RSU1: variants seen among roughly 807,000 people sequenced by gnomAD.
RSU1 encodes Ras suppressor protein 1.
In RSU1, 26 loss-of-function variants were observed where a neutral mutation model predicts 31.1. The ratio of observed to expected loss-of-function variants is 0.84; its 90% CI spans 0.61 to 1.16. The LOEUF (loss-of-function observed/expected upper bound fraction) is 1.16. Among genes scored for constraint, RSU1 ranks in the 50% most tolerant of loss-of-function variants. RSU1 has a pLI of 0.00. For missense variants in RSU1, 320 were observed against 339.1 expected, an observed-to-expected ratio of 0.94 and a Z score of 0.44; for synonymous variants, 164 against 136.3, an observed-to-expected ratio of 1.20 and a Z score of -1.41.
At chr10:16,709,297 C>T (rs1360741539) in intron 7 of RSU1, among the ~76,000 whole-genome samples, 3 of 152,128 alleles carry the variant, frequency 2.0e-5, no homozygotes, top group Non-Finnish European at 4.4e-5. Flanking sequence ...TTTCCAATTT[C>T]ATCCATGTAC....
chr10:16,731,383 T>C (rs1215755431), intron 7 of RSU1, among the ~76,000 whole-genome samples: 5 of 143,898 alleles, frequency 3.5e-5, no homozygotes, highest in Admixed American at 2.1e-4. Context: ...TGAGCCGAGA[T>C]AGCACCACTG....
At chr10:16,683,689 G>A (rs754511871) in intron 8 of RSU1, among the ~76,000 whole-genome samples, 2 of 152,176 alleles carry the variant, frequency 1.3e-5, no homozygotes, top group Admixed American at 6.5e-5. Context: ...GAGTGACCAC[G>A]GTCGTGACAC....
At chr10:16,795,588 G>C (rs1327259720) in intron 2 of RSU1, among the ~76,000 whole-genome samples, 1 of 152,074 alleles carries the variant, frequency 6.6e-6, no homozygotes, top group Admixed American at 6.5e-5. Context: ...GAACTAGTAA[G>C]CAGAGAGAAC....
intron 8 of RSU1, among the ~76,000 whole-genome samples, chr10:16,654,145 C>A (rs557321788): frequency 2.0e-5 from 3 of 151,616 alleles, no homozygotes; most frequent in African/African-American, 7.3e-5. Context: ...TGGGATTACA[C>A]GCGCACACCA....
chr10:16,683,132 C>T (rs1371098342), intron 8 of RSU1, among the ~76,000 whole-genome samples: 1 of 117,106 alleles, frequency 8.5e-6, no homozygotes, highest in African/African-American at 3.3e-5. Flanking sequence ...ATGTTGAAAC[C>T]CAAGCCTTAA....
At chr10:16,692,460 A>T (rs910142902) in intron 8 of RSU1, among the ~76,000 whole-genome samples, 1 of 152,192 alleles carries the variant, frequency 6.6e-6, no homozygotes, top group Non-Finnish European at 1.5e-5. Flanking sequence ...ATAAACAGAG[A>T]ATTTCCTCTA....
chr10:16,645,917 T>C (rs1209102697), intron 8 of RSU1, among the ~76,000 whole-genome samples: 1 of 33,614 alleles, frequency 3.0e-5, no homozygotes, highest in Non-Finnish European at 6.3e-5. Flanking sequence ...TATGTATATA[T>C]ATGTGTATAT....
chr10:16,611,068 A>G (rs1489608073), intron 8 of RSU1, among the ~76,000 whole-genome samples: 3 of 152,220 alleles, frequency 2.0e-5, no homozygotes, highest in Non-Finnish European at 2.9e-5. Context: ...CAGCTTTAAG[A>G]GCCAAAGGTC....
intron 8 of RSU1, among the ~76,000 whole-genome samples, chr10:16,657,776 T>C (rs1834814264): frequency 6.6e-6 from 1 of 152,030 alleles, no homozygotes; most frequent in Non-Finnish European, 1.5e-5. Context: ...GCAGATCACT[T>C]GAGGCCAGGA....
chr10:16,687,612 G>A (rs1835462900), intron 8 of RSU1, among the ~76,000 whole-genome samples: 1 of 152,100 alleles, frequency 6.6e-6, no homozygotes, highest in Admixed American at 6.5e-5. Context: ...TACATCCTCT[G>A]TATTCCTCCT....
intron 7 of RSU1, 81 bp from the exon 8 acceptor site, chr10:16,695,236 C>A: frequency 7.4e-7 from 1 of 1,343,496 alleles, no homozygotes; most frequent in Non-Finnish European, 1.0e-6. Context: ...GTAATCACAG[C>A]CTAAGTACCC....
At chr10:16,799,272 T>C (rs1588543613) in intron 2 of RSU1, among the ~76,000 whole-genome samples, 1 of 152,254 alleles carries the variant, frequency 6.6e-6, no homozygotes, top group South Asian at 2.1e-4. Flanking sequence ...ACTACCATAC[T>C]CACAGTAAGA....
At chr10:16,760,485 G>A (rs570209427) in intron 4 of RSU1, among the ~76,000 whole-genome samples, 174 of 150,204 alleles carry the variant, frequency 1.2e-3, no homozygotes, top group African/African-American at 4.1e-3. Context: ...CTGGAGCCTG[G>A]GCAACAAGAA....
intron 8 of RSU1, among the ~76,000 whole-genome samples, chr10:16,663,750 G>A (rs1190314042): frequency 6.6e-6 from 1 of 152,216 alleles, no homozygotes; most frequent in Non-Finnish European, 1.5e-5. Flanking sequence ...CCACAGATCA[G>A]TGTGACGACA....
chr10:16,642,118 A>G (rs1834452847), intron 8 of RSU1, among the ~76,000 whole-genome samples: 1 of 152,188 alleles, frequency 6.6e-6, no homozygotes, highest in African/African-American at 2.4e-5. Context: ...GTCTGATTTC[A>G]GTCTGATTCT....
At chr10:16,733,080 T>C (rs117343738) in intron 7 of RSU1, among the ~76,000 whole-genome samples, 377 of 152,252 alleles carry the variant, frequency 2.5e-3, no homozygotes, top group Middle Eastern at 6.8e-3. Flanking sequence ...CACTCATAAA[T>C]GGACTATTAG....
chr10:16,684,423 A>G (rs1305094531), intron 8 of RSU1, among the ~76,000 whole-genome samples: 8 of 152,188 alleles, frequency 5.3e-5, no homozygotes, highest in Non-Finnish European at 8.8e-5. Context: ...CTCAATGGTC[A>G]TATTTGGAGA....
intron 8 of RSU1, among the ~76,000 whole-genome samples, chr10:16,657,187 T>C (rs544360204): frequency 1.1e-4 from 16 of 152,304 alleles, no homozygotes; most frequent in Non-Finnish European, 1.8e-4. Flanking sequence ...GGCAGAGATA[T>C]TGATTCAGAT....
At chr10:16,607,598 G>A (rs757078712) in intron 8 of RSU1, among the ~76,000 whole-genome samples, 5 of 152,092 alleles carry the variant, frequency 3.3e-5, no homozygotes, top group Non-Finnish European at 5.9e-5. Context: ...TCATATCCAC[G>A]GCAGATATCA....
Sources: gnomAD v4.1 joint callset for allele counts (sites outside exome capture counted in the v4.1 genomes callset) on GRCh38, gnomAD v4.1.1 for gene constraint, MANE v1.5 for transcripts, NCBI Gene and HGNC (gene_info 2026-07-23, HGNC 2026-07-21) for gene names.